Variants in WWOX observed in about 807,000 individuals in gnomAD.
WWOX encodes the protein WW domain containing oxidoreductase.
Under a neutral mutation model 46.2 loss-of-function variants are expected in WWOX, and 69 were observed. That is an observed-to-expected ratio of 1.49 (90% CI 1.23 to 1.82). The LOEUF is 1.82. WWOX is among the 40% of genes most tolerant of loss of function. The pLI is 0.00. For missense variants in WWOX, 919 were observed against 542.6 expected, an observed-to-expected ratio of 1.69 and a Z score of -6.89; for synonymous variants, 359 against 202.6, an observed-to-expected ratio of 1.77 and a Z score of -6.56.
intron 8 of WWOX, among the ~76,000 whole-genome samples, chr16:78,927,690 C>T (rs1195025198): frequency 6.6e-6 from 1 of 152,108 alleles, no homozygotes; most frequent in Non-Finnish European, 1.5e-5. Context: ...CTTAATCAAG[C>T]ACTTATTTAT....
chr16:78,781,602 C>T (rs1464625806), intron 8 of WWOX, among the ~76,000 whole-genome samples: 1 of 152,092 alleles, frequency 6.6e-6, no homozygotes, highest in East Asian at 1.9e-4. Context: ...CCACTTTATC[C>T]AAAAGTTATT....
chr16:78,990,558 G>A (rs550738591), intron 8 of WWOX, among the ~76,000 whole-genome samples: 22 of 152,312 alleles, frequency 1.4e-4, no homozygotes, highest in African/African-American at 5.3e-4. Flanking sequence ...TTACACCGGG[G>A]AGCCCCCAAA....
intron 5 of WWOX, among the ~76,000 whole-genome samples, chr16:78,294,266 C>G (rs865844084): frequency 1.1e-4 from 16 of 152,130 alleles, no homozygotes; most frequent in African/African-American, 3.4e-4. Context: ...GCCTTGACAT[C>G]TCTGTGCCAA....
chr16:78,828,071 T>G (rs1225534985), intron 8 of WWOX, among the ~76,000 whole-genome samples: 1 of 152,120 alleles, frequency 6.6e-6, no homozygotes, highest in Non-Finnish European at 1.5e-5. Flanking sequence ...CCCTGGTGTG[T>G]CTATTAGCTC....
rs921746316 is a variant in WWOX, at chr16:78,725,339, C to CTT, written c.1056+292590_1056+292591dup. 3.7e-3 allele frequency among the ~76,000 whole-genome samples: 317 copies of CTT among 86,640 alleles called. 10 individuals are homozygous for CTT. Among genetic ancestry groups the CTT allele is most frequent in the East Asian group, 5.0e-3 (15 of 2,994 alleles). 56.8% of individuals were successfully genotyped at this position (86,640 alleles called of 152,430 possible). A position where few individuals can be genotyped will look rare whatever the true frequency, so the allele number is the denominator to read the frequency against. On this transcript the variant is annotated intron_variant, in intron 8 of 8. Transcript: ENST00000566780. Reference sequence around the variant, plus strand: ...TTTTTTTCCTTTTTTCTTTTCTTTTCTTTTCTTTTTTTTTTTTTTTTTTTT... The same window carrying CTT: ...TTTTTTTCCTTTTTTCTTTTCTTTTCTTTTTTCTTTTTTTTTTTTTTTTTTTT...
intron 8 of WWOX, among the ~76,000 whole-genome samples, chr16:78,605,034 CTTCTT>C (rs2045722137): frequency 7.2e-6 from 1 of 139,536 alleles, no homozygotes; most frequent in Non-Finnish European, 1.5e-5. Context: ...CCCTTCCTCC[CTTCTT>C]TTCTTTCCTT....
chr16:78,182,032 T>C (rs1428677654), intron 5 of WWOX, among the ~76,000 whole-genome samples: 1 of 152,082 alleles, frequency 6.6e-6, no homozygotes, highest in African/African-American at 2.4e-5. Context: ...CTGAAAGGAT[T>C]GAGCTGTAAA....
At chr16:78,125,370 G>C (rs911824009) in intron 4 of WWOX, among the ~76,000 whole-genome samples, 16 of 152,104 alleles carry the variant, frequency 1.1e-4, no homozygotes, top group African/African-American at 3.4e-4. Flanking sequence ...CCATCCTGTT[G>C]GGAGGAATAA....
At chr16:78,514,003 G>A (rs747227595) in intron 8 of WWOX, among the ~76,000 whole-genome samples, 1 of 150,138 alleles carries the variant, frequency 6.7e-6, no homozygotes, top group African/African-American at 2.5e-5. Context: ...ACACAGTGTT[G>A]CGAAAGAATA....
intron 8 of WWOX, among the ~76,000 whole-genome samples, chr16:78,868,287 A>G (rs2044050242): frequency 2.0e-5 from 3 of 152,152 alleles, no homozygotes; most frequent in Admixed American, 6.5e-5. Flanking sequence ...AAAAGACCAC[A>G]TAGTATATGA....
At chr16:78,687,581 AAG>A (rs2047892030) in intron 8 of WWOX, among the ~76,000 whole-genome samples, 1 of 140,380 alleles carries the variant, frequency 7.1e-6, no homozygotes, top group African/African-American at 2.6e-5. Flanking sequence ...TTGGGTAATG[AAG>A]AGAGAGAGAC....
intron 8 of WWOX, among the ~76,000 whole-genome samples, chr16:79,116,802 A>G (rs904931218): frequency 1.3e-5 from 2 of 151,852 alleles, no homozygotes; most frequent in Non-Finnish European, 2.9e-5. Flanking sequence ...TAGAATGCTG[A>G]ATCCTTTCTA....
chr16:78,624,161 G>C (rs1204193602), intron 8 of WWOX, among the ~76,000 whole-genome samples: 1 of 149,796 alleles, frequency 6.7e-6, no homozygotes, highest in East Asian at 2.0e-4. Context: ...TGGAATTTTT[G>C]CTTTTGAATT....
chr16:79,021,384 G>T (rs1299757479), intron 8 of WWOX, among the ~76,000 whole-genome samples: 1 of 152,036 alleles, frequency 6.6e-6, no homozygotes, highest in Non-Finnish European at 1.5e-5. Flanking sequence ...GGACCCCTTG[G>T]GCATTTGGTG....
At chr16:78,931,209 G>C (rs1351507598) in intron 8 of WWOX, among the ~76,000 whole-genome samples, 3 of 152,178 alleles carry the variant, frequency 2.0e-5, no homozygotes, top group Non-Finnish European at 2.9e-5. Flanking sequence ...AGGAATAGTG[G>C]AAAACTGACA....
At chr16:78,461,116 A>G (rs1023771473) in intron 8 of WWOX, among the ~76,000 whole-genome samples, 2 of 152,196 alleles carry the variant, frequency 1.3e-5, no homozygotes, top group African/African-American at 4.8e-5. Flanking sequence ...GCAGAATTCC[A>G]TGTTTGATAA....
At chr16:78,108,525 A>G (rs746685941) in intron 2 of WWOX, 38 bp downstream of exon 2, 2 of 1,608,126 alleles carry the variant, frequency 1.2e-6, no homozygotes. Flanking sequence ...GGATGGAAGC[A>G]TTAAGTAGAT....
chr16:78,985,271 G>C (rs1475056960), intron 8 of WWOX, among the ~76,000 whole-genome samples: 1 of 152,198 alleles, frequency 6.6e-6, no homozygotes, highest in Non-Finnish European at 1.5e-5. Flanking sequence ...CTGTCACTCT[G>C]TCACAGTGCA....
chr16:78,479,561 A>G (rs1231215397), intron 8 of WWOX, among the ~76,000 whole-genome samples: 2 of 152,216 alleles, frequency 1.3e-5, no homozygotes, highest in African/African-American at 2.4e-5. Context: ...AGATATTTTC[A>G]TAGTGAAAAT....
Sources: gnomAD v4.1 joint callset for allele counts (sites outside exome capture counted in the v4.1 genomes callset) on GRCh38, gnomAD v4.1.1 for gene constraint, MANE v1.5 for transcripts, NCBI Gene and HGNC (gene_info 2026-07-23, HGNC 2026-07-21) for gene names.